Variants in PPP1R16B observed in about 807,000 individuals in gnomAD.
PPP1R16B encodes protein phosphatase 1 regulatory inhibitor subunit 16B.
PPP1R16B carries 14 observed loss-of-function variants against 61.7 expected under a neutral mutation model. The ratio of observed to expected loss-of-function variants is 0.23; its 90% confidence interval spans 0.15 to 0.35. PPP1R16B has a LOEUF of 0.35. Among genes scored for constraint, PPP1R16B ranks in the 10% least tolerant of loss-of-function variants. The pLI, the probability that PPP1R16B is intolerant of heterozygous loss-of-function variation, is 1.00. For synonymous variants in PPP1R16B, 266 were observed against 305.3 expected, an observed-to-expected ratio of 0.87 and a Z score of 1.34; for missense variants, 547 against 752.5, an observed-to-expected ratio of 0.73 and a Z score of 3.19.
At chr20:38,877,952 GTTTTTT>G (rs34151516) in intron 2 of PPP1R16B, among the ~76,000 whole-genome samples, 1,207 of 57,812 alleles carry the variant, frequency 0.021, 6 homozygotes, top group African/African-American at 0.061. Flanking sequence ...GCACACAGTT[GTTTTTT>G]TTTTTTTTTT....
At chr20:38,863,391 C>T (rs2085067637) in intron 2 of PPP1R16B, among the ~76,000 whole-genome samples, 1 of 152,148 alleles carries the variant, frequency 6.6e-6, no homozygotes, top group South Asian at 2.1e-4. Flanking sequence ...ATGGCTGAGC[C>T]CCTGCAGAGC....
chr20:38,879,278 G>A (rs1476055869), intron 2 of PPP1R16B, among the ~76,000 whole-genome samples: 1 of 152,182 alleles, frequency 6.6e-6, no homozygotes, highest in Admixed American at 6.5e-5. Flanking sequence ...GGGAGAAGAA[G>A]AGAGAGGGAA....
chr20:38,907,852 A>G lies in PPP1R16B; in HGVS notation c.945A>G (p.Lys315=). 2 of 1,614,148 alleles carry G rather than the reference A, an allele frequency of 1.2e-6. No individual in the cohort carries two copies. Among genetic ancestry groups the G allele is most frequent in the South Asian group, 1.1e-5 (1 of 91,084 alleles). ...EEFKVLLLEL[K]HKHDVIMKSQ... is the part of the protein sequence containing the mutation. The stretch of plus-strand genomic sequence containing the variant: ...TCAAGGTCCTGCTGCTGGAGCTAAA[A>G]CACAAGCATGATGTGATCATGAAGT... The change falls in exon 9 of 11, where the codon AAA becomes AAG. Residue 315 remains lysine (K), a synonymous_variant. Coordinates refer to ENST00000299824, the MANE Select transcript of PPP1R16B (RefSeq NM_015568.4). This position sits in a 1 kb window ranked among gnomAD's most constrained non-coding sequence, Gnocchi z 4.5.
At chr20:38,841,481 T>C (rs1018666656) in intron 2 of PPP1R16B, among the ~76,000 whole-genome samples, 17 of 151,776 alleles carry the variant, frequency 1.1e-4, no homozygotes, top group South Asian at 2.1e-4. Flanking sequence ...TGAGCCATGA[T>C]TGAACCACTG....
chr20:38,883,520 C>T (rs975418134), intron 2 of PPP1R16B, among the ~76,000 whole-genome samples: 3 of 152,160 alleles, frequency 2.0e-5, no homozygotes, highest in Non-Finnish European at 4.4e-5. Flanking sequence ...GCAGCGGGGT[C>T]GGCGCCAGGA....
chr20:38,810,861 G>T (rs2084696451), intron 1 of PPP1R16B, among the ~76,000 whole-genome samples: 1 of 152,104 alleles, frequency 6.6e-6, no homozygotes, highest in Non-Finnish European at 1.5e-5. Context: ...CGTCTTGGGG[G>T]GCATCTCAAA....
At chr20:38,896,062 C>CCTT (rs1254662286) in intron 4 of PPP1R16B, among the ~76,000 whole-genome samples, 1 of 130,740 alleles carries the variant, frequency 7.6e-6, no homozygotes, top group African/African-American at 3.5e-5. Flanking sequence ...TTCCTCCCTT[C>CCTT]CTTTCTTCCC....
chr20:38,831,298 C>A (rs970318886), intron 1 of PPP1R16B, among the ~76,000 whole-genome samples: 6 of 152,240 alleles, frequency 3.9e-5, no homozygotes, highest in African/African-American at 1.4e-4. Flanking sequence ...CCATCACCCT[C>A]TGGGTCTCAC....
At chr20:38,902,989 T>C (rs1483352684) in intron 6 of PPP1R16B, among the ~76,000 whole-genome samples, 197 bp downstream of exon 6, 3 of 152,226 alleles carry the variant, frequency 2.0e-5, no homozygotes, top group Non-Finnish European at 2.9e-5. Flanking sequence ...CTGGCCTCTC[T>C]CTGGGCTGGG....
chr20:38,887,504 G>C (rs1377606284), intron 2 of PPP1R16B, among the ~76,000 whole-genome samples: 3 of 152,166 alleles, frequency 2.0e-5, no homozygotes, highest in African/African-American at 4.8e-5. Flanking sequence ...ATTTGTGACA[G>C]AGCTAATTTT....
intron 2 of PPP1R16B, among the ~76,000 whole-genome samples, chr20:38,841,583 C>T (rs1315636908): frequency 1.3e-5 from 2 of 152,156 alleles, no homozygotes; most frequent in Non-Finnish European, 2.9e-5. Context: ...TGCCCATTTG[C>T]AGTGACTCCT....
chr20:38,889,947 C>G (rs1348932270), intron 3 of PPP1R16B, among the ~76,000 whole-genome samples: 1 of 152,252 alleles, frequency 6.6e-6, no homozygotes, highest in Non-Finnish European at 1.5e-5. Context: ...CCCATGAAAG[C>G]AAGTGTGTTT....
intron 2 of PPP1R16B, among the ~76,000 whole-genome samples, chr20:38,875,441 T>A (rs1321699815): frequency 1.3e-5 from 2 of 152,170 alleles, no homozygotes; most frequent in East Asian, 1.9e-4. Flanking sequence ...CACAGGAGAT[T>A]GTGCAGCATG....
rs1243545807 is a variant in PPP1R16B, at chr20:38,836,061, C to A, written c.136C>A (p.His46Asn). The A allele has an allele frequency of 6.2e-7, 1 of 1,610,692 alleles. No homozygotes were observed. Among genetic ancestry groups the A allele is most frequent in the African/African-American group, 1.3e-5 (1 of 74,906 alleles). The change falls in exon 2 of 11, where the codon CAC becomes AAC. Residue 46 changes from histidine to asparagine, a missense_variant. Transcript: ENST00000299824. ...GGCACAGTACGAGCAGGACTTGCAG[C>A]ACCGCAAGCGAAAGCATGAGCGGAA... is the stretch of plus-strand genomic sequence containing the variant. ...KWAQYEQDLQ[H>N]RKRKHERKRS...
chr20:38,838,135 G>T (rs2084884480), intron 2 of PPP1R16B: 1 of 152,264 alleles, frequency 6.6e-6, no homozygotes, highest in Non-Finnish European at 1.5e-5. Context: ...AATCCATGAT[G>T]TAACCACAGC....
chr20:38,857,909 G>A (rs2085019155), intron 2 of PPP1R16B, among the ~76,000 whole-genome samples: 1 of 151,550 alleles, frequency 6.6e-6, no homozygotes, highest in African/African-American at 2.4e-5. Context: ...TATCTGAGGC[G>A]GCCAGAAAAA....
At chr20:38,849,101 T>TTTGG (rs1555803814) in intron 2 of PPP1R16B, among the ~76,000 whole-genome samples, 1 of 152,166 alleles carries the variant, frequency 6.6e-6, no homozygotes, top group Non-Finnish European at 1.5e-5. Flanking sequence ...CTGTAGGGTT[T>TTTGG]TTTGTTTGTT....
At chr20:38,850,861 G>A (rs1157809525) in intron 2 of PPP1R16B, among the ~76,000 whole-genome samples, 5 of 151,884 alleles carry the variant, frequency 3.3e-5, no homozygotes, top group Non-Finnish European at 5.9e-5. Flanking sequence ...CCAGGTACTC[G>A]GGAGGCTGAG....
chr20:38,901,102 A>G (rs2085390633), intron 5 of PPP1R16B, among the ~76,000 whole-genome samples: 1 of 152,198 alleles, frequency 6.6e-6, no homozygotes. Flanking sequence ...GATAAACAAG[A>G]TGTGGGCTGT....
Sources: gnomAD v4.1 joint callset for allele counts (sites outside exome capture counted in the v4.1 genomes callset) on GRCh38, gnomAD v4.1.1 for gene constraint, Gnocchi (gnomAD v3.1) non-coding constraint, MANE v1.5 for transcripts, NCBI Gene and HGNC (gene_info 2026-07-23, HGNC 2026-07-21) for gene names.